The following HSD17B12 variants were observed in gnomAD, a reference collection of about 807,000 sequenced individuals.
HSD17B12 encodes hydroxysteroid 17-beta dehydrogenase 12, also known as very-long-chain 3-oxoacyl-CoA reductase.
In HSD17B12, 32 loss-of-function variants were observed where a neutral mutation model predicts 39.3. The observed-to-expected ratio is 0.81, with a 90% CI of 0.61 to 1.09. The LOEUF (loss-of-function observed/expected upper bound fraction) is 1.09, where lower values mean the gene tolerates loss of function less well. Among genes scored for constraint, HSD17B12 ranks in the 50% least tolerant of loss-of-function variants. The probability of loss-of-function intolerance (pLI) is 0.00; values close to 1 mark genes in which losing one functional copy is unlikely to be tolerated. For synonymous variants in HSD17B12, 150 were observed against 146.7 expected (o/e 1.02, Z -0.16); for missense variants, 342 against 382.9 (o/e 0.89, Z 0.89).
At chr11:43,651,396 C>T in the HSD17B12 span, among the ~76,000 whole-genome samples, 2 of 152,084 alleles carry the variant, frequency 1.3e-5, no homozygotes, top group African/African-American at 4.8e-5. Flanking sequence ...TTTCAGTCTG[C>T]CTCACTTGGA....
the HSD17B12 span, among the ~76,000 whole-genome samples, chr11:43,631,406 T>C: frequency 8.7e-3 from 1,331 of 152,304 alleles, 17 homozygotes; most frequent in African/African-American, 0.031. Context: ...TTCCAGAACA[T>C]GTCCCATCCT....
the HSD17B12 span, among the ~76,000 whole-genome samples, chr11:43,586,260 G>A: frequency 6.6e-6 from 1 of 152,298 alleles, no homozygotes; most frequent in East Asian, 1.9e-4. Context: ...TTAGCATTCT[G>A]GGGGCATCAT....
intron 6 of HSD17B12, among the ~76,000 whole-genome samples, chr11:43,817,000 ATATCTATATCTATATCTATATC>A (rs1565099820): frequency 1.7e-4 from 9 of 51,594 alleles, no homozygotes; most frequent in African/African-American, 5.6e-4. Flanking sequence ...ATCTATATCT[ATATCTATATCTATATCTATATC>A]TATATCTATA....
the HSD17B12 span, among the ~76,000 whole-genome samples, chr11:43,653,541 T>C: frequency 6.6e-6 from 1 of 152,112 alleles, no homozygotes; most frequent in Non-Finnish European, 1.5e-5. Flanking sequence ...CCTAATGCTA[T>C]CCCTTCCCCC....
chr11:43,739,160 CT>C (rs1950342218), intron 1 of HSD17B12, among the ~76,000 whole-genome samples: 1 of 152,114 alleles, frequency 6.6e-6, no homozygotes, highest in Admixed American at 6.5e-5. Context: ...GCTTTTCCCC[CT>C]GGCTTCTTGT....
the HSD17B12 span, among the ~76,000 whole-genome samples, chr11:43,624,163 T>C: frequency 1.3e-5 from 2 of 151,926 alleles, no homozygotes; most frequent in Non-Finnish European, 2.9e-5. Context: ...ACTCTGCGAG[T>C]TTGAAGAGGG....
intron 1 of HSD17B12, among the ~76,000 whole-genome samples, chr11:43,702,098 A>T (rs899628137): frequency 6.6e-6 from 1 of 152,004 alleles, no homozygotes; most frequent in Non-Finnish European, 1.5e-5. Context: ...TATAAAGGGG[A>T]TTACTTTTTA....
At chr11:43,841,139 C>T (rs1290294077) in intron 9 of HSD17B12, among the ~76,000 whole-genome samples, 3 of 152,132 alleles carry the variant, frequency 2.0e-5, no homozygotes, top group African/African-American at 7.2e-5. Context: ...TGATATTGAG[C>T]ATTTTTTCAT....
intron 1 of HSD17B12, among the ~76,000 whole-genome samples, chr11:43,741,710 C>T (rs1481108860): frequency 2.7e-5 from 4 of 149,996 alleles, no homozygotes; most frequent in African/African-American, 9.8e-5. Flanking sequence ...TTGAACTTAA[C>T]TGAGGGATTT....
chr11:43,580,629 C>T, the HSD17B12 span, among the ~76,000 whole-genome samples: 1 of 151,916 alleles, frequency 6.6e-6, no homozygotes, highest in Non-Finnish European at 1.5e-5. Flanking sequence ...GCTTGGGTCC[C>T]GTTGGGAGAG....
At chr11:43,678,530 T>A (rs1021709052), upstream of HSD17B12, among the ~76,000 whole-genome samples, 2 of 152,244 alleles carry the variant, frequency 1.3e-5, no homozygotes, top group Non-Finnish European at 2.9e-5. Context: ...CTGAATGGTA[T>A]TGCCTAGGTT....
chr11:43,742,030 G>A (rs1033442543), intron 1 of HSD17B12, among the ~76,000 whole-genome samples: 5 of 148,388 alleles, frequency 3.4e-5, no homozygotes, highest in Middle Eastern at 3.6e-3. Flanking sequence ...CACCGCGCCC[G>A]GCAACTGAGG....
chr11:43,593,216 A>C, the HSD17B12 span, among the ~76,000 whole-genome samples: 1 of 152,334 alleles, frequency 6.6e-6, no homozygotes, highest in East Asian at 1.9e-4. Context: ...AAGCTACCCT[A>C]ATGTTAGAAC....
intron 1 of HSD17B12, among the ~76,000 whole-genome samples, chr11:43,711,496 A>G (rs1950065735): frequency 2.9e-5 from 4 of 138,232 alleles, no homozygotes; most frequent in Non-Finnish European, 6.1e-5. Flanking sequence ...TTTTTTTGAG[A>G]CAGGGTCTTG....
At chr11:43,585,831 A>G in the HSD17B12 span, among the ~76,000 whole-genome samples, 2 of 152,202 alleles carry the variant, frequency 1.3e-5, no homozygotes, top group African/African-American at 4.8e-5. Context: ...TAAGAAAATA[A>G]TAAGGCGGGG....
the HSD17B12 span, among the ~76,000 whole-genome samples, chr11:43,580,921 G>C: frequency 6.6e-6 from 1 of 152,174 alleles, no homozygotes; most frequent in East Asian, 1.9e-4. Flanking sequence ...CTCTGGGGGA[G>C]TTTTTCTCTT....
At chr11:43,643,830 A>C in the HSD17B12 span, among the ~76,000 whole-genome samples, 1 of 152,368 alleles carries the variant, frequency 6.6e-6, no homozygotes, top group Non-Finnish European at 1.5e-5. Flanking sequence ...TGAGTACACG[A>C]ATCTCTGGAG....
chr11:43,774,464 C>T (rs908694743), intron 3 of HSD17B12, among the ~76,000 whole-genome samples: 15 of 152,090 alleles, frequency 9.9e-5, no homozygotes, highest in African/African-American at 2.4e-4. Context: ...CTGCCCCCCA[C>T]GGCCTTCCAA....
chr11:43,803,947 TTCC>T (rs1950994469), intron 4 of HSD17B12, among the ~76,000 whole-genome samples: 3 of 152,330 alleles, frequency 2.0e-5, no homozygotes, highest in Non-Finnish European at 4.4e-5. Flanking sequence ...GCTTACTTGA[TTCC>T]TTAGGAGAGA....
Sources: allele counts gnomAD v4.1 joint callset (sites outside exome capture counted in the v4.1 genomes callset), GRCh38; gene constraint gnomAD v4.1.1; transcripts MANE v1.5; gene names NCBI Gene and HGNC (gene_info 2026-07-23, HGNC 2026-07-21).